Variants in MCTP1 observed in about 807,000 individuals in gnomAD.
MCTP1 encodes multiple C2 and transmembrane domain containing 1, also known as multiple C2 and transmembrane domain-containing protein 1.
MCTP1 carries 69 observed loss-of-function variants against 120.6 expected under a neutral mutation model. The ratio of observed to expected loss-of-function variants is 0.57; its 90% CI spans 0.47 to 0.70. MCTP1 has a LOEUF of 0.70. MCTP1 is among the 30% of genes least tolerant of loss of function. The pLI is 0.00. For missense variants in MCTP1, 1,203 were observed against 1,248.8 expected (o/e 0.96, Z 0.55); for synonymous variants, 529 against 493.1 (o/e 1.07, Z -0.96).
At chr5:95,062,708 G>A (rs768409635) in intron 1 of MCTP1, among the ~76,000 whole-genome samples, 8 of 152,172 alleles carry the variant, frequency 5.3e-5, no homozygotes, top group Non-Finnish European at 8.8e-5. Flanking sequence ...TAGGCACACA[G>A]AAATACATTC....
chr5:94,924,904 G>A (rs1206940816), intron 6 of MCTP1, among the ~76,000 whole-genome samples: 1 of 152,172 alleles, frequency 6.6e-6, no homozygotes, highest in African/African-American at 2.4e-5. Context: ...TGGAGGCGAG[G>A]TGGGAATTTT....
At position 95,249,709 on chromosome 5, in the gene MCTP1, T is replaced by C. The variant is rs145302933; in HGVS notation, c.720+34147A>G. On this transcript the variant is annotated intron_variant, in intron 1 of 22. Coordinates refer to ENST00000515393, the MANE Select transcript of MCTP1 (RefSeq NM_024717.7). ...GCTACTATAAAGACTCTTGCACACGTATGTTTACTGTGACACTATTCACAA... is the reference window on the plus strand; with the variant it reads ...GCTACTATAAAGACTCTTGCACACGCATGTTTACTGTGACACTATTCACAA... Among the ~76,000 whole-genome samples the C allele has an allele frequency of 4.7e-4, 72 of 152,294 alleles. 1 individual carries two copies. Among genetic ancestry groups the C allele is most frequent in the Non-Finnish European group, 8.4e-4 (57 of 68,022 alleles).
At chr5:95,216,925 A>C (rs1753105102) in intron 1 of MCTP1, among the ~76,000 whole-genome samples, 1 of 152,204 alleles carries the variant, frequency 6.6e-6, no homozygotes, top group South Asian at 2.1e-4. Context: ...CTACCTCTGG[A>C]AGAAAACTGC....
intron 2 of MCTP1, among the ~76,000 whole-genome samples, chr5:94,973,375 A>C (rs1485769097): frequency 6.6e-6 from 1 of 152,158 alleles, no homozygotes; most frequent in Admixed American, 6.5e-5. Context: ...GAGAGACAAG[A>C]TTGTATACTA....
chr5:95,007,599 AAC>A (rs1217928977), intron 2 of MCTP1, among the ~76,000 whole-genome samples: 2 of 152,186 alleles, frequency 1.3e-5, no homozygotes, highest in African/African-American at 4.8e-5. Context: ...TTACACTTAA[AAC>A]ACAGAATATG....
At chr5:95,086,944 A>ATG (rs1275353037) in intron 1 of MCTP1, among the ~76,000 whole-genome samples, 1 of 152,218 alleles carries the variant, frequency 6.6e-6, no homozygotes, top group African/African-American at 2.4e-5. Flanking sequence ...ATGCATCCAA[A>ATG]TGTATCTCTT....
intron 19 of MCTP1, among the ~76,000 whole-genome samples, chr5:94,775,077 T>C (rs1263695615): frequency 6.6e-6 from 1 of 152,232 alleles, no homozygotes; most frequent in African/African-American, 2.4e-5. Context: ...TACTTTGAAC[T>C]AACTCTAGAT....
chr5:95,090,188 CTG>C (rs1755735679), intron 1 of MCTP1, among the ~76,000 whole-genome samples: 1 of 152,162 alleles, frequency 6.6e-6, no homozygotes, highest in South Asian at 2.1e-4. Flanking sequence ...CAGTTACCTA[CTG>C]TGTTTGTTAT....
intron 5 of MCTP1, among the ~76,000 whole-genome samples, chr5:94,934,031 C>T (rs946314355): frequency 2.0e-5 from 3 of 151,746 alleles, no homozygotes; most frequent in African/African-American, 4.8e-5. Context: ...TTACTATATC[C>T]AGTAACTCTC....
chr5:94,950,095 G>GA (rs920553038), intron 3 of MCTP1, among the ~76,000 whole-genome samples: 2 of 150,938 alleles, frequency 1.3e-5, no homozygotes, highest in Non-Finnish European at 3.0e-5. Context: ...AAAATCAACT[G>GA]AAAAAAAATA....
chr5:95,124,268 C>T (rs1202248579), intron 1 of MCTP1, among the ~76,000 whole-genome samples: 1 of 152,166 alleles, frequency 6.6e-6, no homozygotes, highest in South Asian at 2.1e-4. Context: ...TACTTTGGAA[C>T]GTTTTCAGAT....
chr5:95,177,854 A>G (rs1748187807), intron 1 of MCTP1, among the ~76,000 whole-genome samples: 2 of 152,228 alleles, frequency 1.3e-5, no homozygotes, highest in East Asian at 1.9e-4. Flanking sequence ...GTTAAGTACT[A>G]TACCAGGTGG....
In MCTP1 at chr5:94,948,592, G is replaced by A. The variant is rs181509199; in HGVS notation, c.981+4627C>T. On this transcript the variant is annotated intron_variant, in intron 3 of 22. Coordinates refer to ENST00000515393, the MANE Select transcript of MCTP1 (RefSeq NM_024717.7). The stretch of plus-strand genomic sequence containing the variant: ...AATACCTTGGTTTGGGTGCTCTATG[G>A]TTTATGGCTGGAAACGTTATTCCCA... Among the ~76,000 whole-genome samples the A allele has an allele frequency of 2.3e-3, 354 of 152,238 alleles. 1 individual carries two copies. The highest frequency in any genetic ancestry group is 3.6e-3 in the Non-Finnish European group (248 of 68,004).
intron 1 of MCTP1, among the ~76,000 whole-genome samples, chr5:95,186,273 A>AG (rs1335998361): frequency 4.1e-5 from 4 of 96,456 alleles, no homozygotes; most frequent in African/African-American, 7.5e-5. Context: ...AAAAAAAAAG[A>AG]AAAAAAAGAA....
intron 1 of MCTP1, among the ~76,000 whole-genome samples, chr5:95,100,249 T>G (rs1201656016): frequency 6.6e-6 from 1 of 152,024 alleles, no homozygotes; most frequent in East Asian, 1.9e-4. Context: ...ATTGTGCACA[T>G]GTACCCTAAA....
At chr5:94,726,954 A>G (rs879010386) in intron 19 of MCTP1, among the ~76,000 whole-genome samples, 3 of 152,212 alleles carry the variant, frequency 2.0e-5, no homozygotes, top group Admixed American at 2.0e-4. Flanking sequence ...AGTATTAGAA[A>G]AACAATGCTC....
At chr5:94,932,106 A>T (rs1442149038) in intron 5 of MCTP1, 115 bp from the exon 6 acceptor site, 2 of 665,306 alleles carry the variant, frequency 3.0e-6, no homozygotes, top group Non-Finnish European at 5.2e-6. Flanking sequence ...CAGTTCCTGC[A>T]GCAATTATAC....
At chr5:94,939,506 T>C (rs1817036055) in intron 5 of MCTP1, among the ~76,000 whole-genome samples, 1 of 152,014 alleles carries the variant, frequency 6.6e-6, no homozygotes, top group South Asian at 2.1e-4. Flanking sequence ...GGGGAGTAAT[T>C]AGGTCCTCTG....
At chr5:94,951,498 A>G (rs1820568602) in intron 3 of MCTP1, among the ~76,000 whole-genome samples, 1 of 152,182 alleles carries the variant, frequency 6.6e-6, no homozygotes, top group African/African-American at 2.4e-5. Flanking sequence ...TTTTCACTTC[A>G]GCAACATTAA....
Sources: gnomAD v4.1 joint callset for allele counts (sites outside exome capture counted in the v4.1 genomes callset) on GRCh38, gnomAD v4.1.1 for gene constraint, MANE v1.5 for transcripts, NCBI Gene and HGNC (gene_info 2026-07-23, HGNC 2026-07-21) for gene names.